Variants in NOVA1 observed in about 807,000 individuals in gnomAD.
NOVA1 encodes NOVA alternative splicing regulator 1.
NOVA1 carries 7 observed loss-of-function variants against 38.0 expected under a neutral mutation model. The observed-to-expected ratio is 0.18, with a 90% CI of 0.10 to 0.35. The LOEUF is 0.35. Ranked by LOEUF, NOVA1 falls within the 10% of genes least tolerant of loss-of-function variation. NOVA1 has a pLI of 1.00. For missense variants in NOVA1, 460 were observed against 616.0 expected (o/e 0.75, Z 2.68); for synonymous variants, 270 against 232.5 (o/e 1.16, Z -1.47).
chr14:26,531,233 T>C (rs921039187), intron 2 of NOVA1, among the ~76,000 whole-genome samples: 3 of 152,214 alleles, frequency 2.0e-5, no homozygotes, highest in Non-Finnish European at 4.4e-5. Flanking sequence ...AGCATACTTA[T>C]TGATCAAATT....
rs74042414 is a variant in NOVA1 at position 26,499,197 on chromosome 14, A to G, written c.281-19054T>C. ...CTTGCCACAGGGGGCGAAATGAGTA[A>G]CTATGAGAAATGACAGATATGTTAA... On this transcript the variant is annotated intron_variant, in intron 2 of 4. Coordinates refer to ENST00000539517, the MANE Select transcript of NOVA1 (RefSeq NM_002515.3). Among the ~76,000 whole-genome samples, 1,508 of 152,306 alleles carry G rather than the reference A, an allele frequency of 9.9e-3. 28 individuals are homozygous for G. The highest frequency in any genetic ancestry group is 0.034 in the African/African-American group (1,400 of 41,580).
intron 2 of NOVA1, among the ~76,000 whole-genome samples, chr14:26,503,888 G>A (rs1186864771): frequency 2.0e-5 from 3 of 151,934 alleles, no homozygotes; most frequent in East Asian, 1.9e-4. Flanking sequence ...GGCACAAACC[G>A]AAAAATGAAG....
intron 2 of NOVA1, among the ~76,000 whole-genome samples, chr14:26,543,082 G>C (rs1890570516): frequency 6.6e-6 from 1 of 152,010 alleles, no homozygotes; most frequent in Non-Finnish European, 1.5e-5. Context: ...TGCTTGAGGT[G>C]ATGGATATCC....
chr14:26,447,927 G>T lies in NOVA1; in HGVS notation c.*32C>A. The stretch of plus-strand genomic sequence containing the variant: ...CTTCTTGAAAATGGGGTAAAGGAGG[G>T]GTTAAAACAATCTGATGTGTAACTG... On this transcript the variant is annotated 3_prime_UTR_variant, in exon 5 of 5. Transcript: ENST00000539517. The T allele has an allele frequency of 1.3e-6, 2 of 1,569,964 alleles. No individual in the cohort carries two copies. The highest frequency in any genetic ancestry group is 1.3e-5 in the African/African-American group (1 of 74,092).
chr14:26,594,133 T>C (rs1426967557), intron 2 of NOVA1: 3 of 151,978 alleles, frequency 2.0e-5, no homozygotes, highest in Non-Finnish European at 4.4e-5. Flanking sequence ...AGGAAAGCCA[T>C]CTGCAAAACT....
chr14:26,583,926 T>C (rs751151838), intron 2 of NOVA1, among the ~76,000 whole-genome samples: 5 of 148,368 alleles, frequency 3.4e-5, no homozygotes, highest in Non-Finnish European at 7.5e-5. Flanking sequence ...CACACATATA[T>C]TGTATAAATC....
At chr14:26,521,034 CT>C (rs1214212495) in intron 2 of NOVA1, among the ~76,000 whole-genome samples, 1 of 152,000 alleles carries the variant, frequency 6.6e-6, no homozygotes, top group Non-Finnish European at 1.5e-5. Flanking sequence ...TTGGTAAATT[CT>C]ATCCATATCA....
chr14:26,470,090 G>T, intron 4 of NOVA1: 2 of 501,058 alleles, frequency 4.0e-6, no homozygotes, highest in Non-Finnish European at 5.4e-6. Flanking sequence ...TTAAATATTG[G>T]AAATGCAGAT....
At chr14:26,479,826 T>G (rs1244019237) in intron 3 of NOVA1, 151 bp downstream of exon 3, 8 of 728,282 alleles carry the variant, frequency 1.1e-5, no homozygotes, top group East Asian at 8.0e-5. Flanking sequence ...GGATGAGACC[T>G]TGATAGTCTT....
intron 2 of NOVA1, among the ~76,000 whole-genome samples, chr14:26,533,835 C>A (rs532647942): frequency 3.3e-5 from 5 of 152,196 alleles, no homozygotes; most frequent in African/African-American, 7.2e-5. Flanking sequence ...CCTGTAAAAT[C>A]TTGATAGAGT....
At chr14:26,452,351 A>G (rs1027633910) in intron 4 of NOVA1, among the ~76,000 whole-genome samples, 4 of 152,212 alleles carry the variant, frequency 2.6e-5, no homozygotes, top group Admixed American at 2.0e-4. Context: ...TTATATTTAC[A>G]TTTTAAGTGT....
intron 2 of NOVA1, 31 bp downstream of exon 2, chr14:26,595,379 C>A: frequency 6.2e-7 from 1 of 1,600,846 alleles, no homozygotes; most frequent in African/African-American, 1.3e-5. Flanking sequence ...GTGGGGAGCT[C>A]ATCAAACAAT....
Position 26,446,792 on chromosome 14 carries a change from G to C in NOVA1, c.*1167C>G, listed in dbSNP as rs550730895. On this transcript the variant is annotated 3_prime_UTR_variant, in exon 5 of 5. Coordinates refer to ENST00000539517, the MANE Select transcript of NOVA1 (RefSeq NM_002515.3). ...AAAGGTAGATAACACTACCTCTCAA[G>C]ATAAGCTGCCTCTTCTAAATAAGCA... 6.6e-6 allele frequency: 1 copy of C among 152,644 alleles called. No individual in the cohort carries two copies. The highest frequency in any genetic ancestry group is 6.5e-5 in the Admixed American group (1 of 15,280). 9.5% of individuals were successfully genotyped at this position (152,644 alleles called of 1,614,324 possible).
intron 2 of NOVA1, among the ~76,000 whole-genome samples, chr14:26,500,865 A>G (rs1887197270): frequency 2.6e-5 from 4 of 152,000 alleles, no homozygotes; most frequent in Admixed American, 2.6e-4. Context: ...AATATTTGTC[A>G]TATAATATGA....
intron 2 of NOVA1, among the ~76,000 whole-genome samples, chr14:26,531,740 G>C (rs1889731056): frequency 1.3e-5 from 2 of 152,078 alleles, no homozygotes; most frequent in Non-Finnish European, 2.9e-5. Context: ...AAAAATTTCT[G>C]CTCCTGGAAG....
chr14:26,474,925 T>C (rs1430370405), intron 3 of NOVA1, among the ~76,000 whole-genome samples: 1 of 152,054 alleles, frequency 6.6e-6, no homozygotes, highest in Non-Finnish European at 1.5e-5. Context: ...ATTCAATTTA[T>C]AACAATAAAA....
chr14:26,577,234 T>C (rs953084681), intron 2 of NOVA1, among the ~76,000 whole-genome samples: 3 of 152,094 alleles, frequency 2.0e-5, no homozygotes, highest in African/African-American at 7.2e-5. Flanking sequence ...TATTCATGCT[T>C]ATTCTTTAAA....
chr14:26,493,854 C>T (rs186767502), intron 2 of NOVA1, among the ~76,000 whole-genome samples: 168 of 152,284 alleles, frequency 1.1e-3, no homozygotes, highest in African/African-American at 3.9e-3. Context: ...GCCAACTCTT[C>T]CCCTAACCTT....
chr14:26,489,145 AC>A (rs1455835567), intron 2 of NOVA1, among the ~76,000 whole-genome samples: 1 of 152,126 alleles, frequency 6.6e-6, no homozygotes, highest in Non-Finnish European at 1.5e-5. Flanking sequence ...CTGACATGTA[AC>A]AAAGTTGTCA....
Sources: gnomAD v4.1 joint callset for allele counts (sites outside exome capture counted in the v4.1 genomes callset) on GRCh38, gnomAD v4.1.1 for gene constraint, MANE v1.5 for transcripts, NCBI Gene and HGNC (gene_info 2026-07-23, HGNC 2026-07-21) for gene names.